The following ARHGAP15 variants were observed in gnomAD, a reference collection of about 807,000 sequenced individuals.
ARHGAP15 encodes the protein Rho GTPase activating protein 15.
Under a neutral mutation model 63.7 loss-of-function variants are expected in ARHGAP15, and 51 were observed. That is an observed-to-expected ratio of 0.80 (90% CI 0.64 to 1.01). The LOEUF is 1.01. Among genes scored for constraint, ARHGAP15 ranks in the 50% least tolerant of loss-of-function variants. The pLI is 0.00. For missense variants in ARHGAP15, 560 were observed against 564.6 expected (o/e 0.99, Z 0.08); for synonymous variants, 191 against 193.8 (o/e 0.99, Z 0.12).
intron 2 of ARHGAP15, among the ~76,000 whole-genome samples, chr2:143,199,359 T>C (rs558782950): frequency 6.6e-5 from 10 of 152,274 alleles, no homozygotes; most frequent in East Asian, 1.9e-4. Context: ...TTCTCACTTA[T>C]GTAACAGTTA....
At chr2:143,641,884 T>A (rs1048153120) in intron 12 of ARHGAP15, among the ~76,000 whole-genome samples, 4 of 152,104 alleles carry the variant, frequency 2.6e-5, no homozygotes, top group African/African-American at 7.2e-5. Flanking sequence ...TTCAGAGATA[T>A]GCACCAGGAT....
intron 13 of ARHGAP15, among the ~76,000 whole-genome samples, chr2:143,728,344 A>T (rs1002224686): frequency 2.6e-5 from 4 of 152,062 alleles, no homozygotes; most frequent in African/African-American, 7.2e-5. Flanking sequence ...TTTTTAACTT[A>T]ATGACCTTTT....
intron 8 of ARHGAP15, among the ~76,000 whole-genome samples, chr2:143,452,806 C>T (rs1277186032): frequency 2.0e-5 from 3 of 151,784 alleles, no homozygotes; most frequent in Non-Finnish European, 4.4e-5. Context: ...ATCATTTCTA[C>T]CTATAATTTA....
At chr2:143,242,104 C>A (rs1693884341) in intron 5 of ARHGAP15, among the ~76,000 whole-genome samples, 1 of 152,202 alleles carries the variant, frequency 6.6e-6, no homozygotes, top group Non-Finnish European at 1.5e-5. Context: ...TTCAGTCGGA[C>A]CTGCCTCAGC....
intron 8 of ARHGAP15, among the ~76,000 whole-genome samples, chr2:143,464,761 T>A (rs1012190036): frequency 6.6e-6 from 1 of 152,150 alleles, no homozygotes; most frequent in Non-Finnish European, 1.5e-5. Flanking sequence ...CCTCATAATT[T>A]TTTTGTTCTA....
intron 2 of ARHGAP15, among the ~76,000 whole-genome samples, chr2:143,182,034 C>T (rs149601365): frequency 3.2e-4 from 48 of 151,714 alleles, no homozygotes; most frequent in Admixed American, 7.9e-4. Context: ...CCCTGCCTCC[C>T]GGGTTCAAGT....
intron 11 of ARHGAP15, among the ~76,000 whole-genome samples, chr2:143,595,991 T>C (rs990570324): frequency 2.6e-5 from 4 of 152,220 alleles, no homozygotes; most frequent in African/African-American, 7.2e-5. Flanking sequence ...ATTTTTACAG[T>C]GAAGGTACCA....
At chr2:143,153,299 AC>A (rs1445640897) in intron 1 of ARHGAP15, among the ~76,000 whole-genome samples, 1 of 151,948 alleles carries the variant, frequency 6.6e-6, no homozygotes. Context: ...TGGGAAATCA[AC>A]CCTTGAAGGC....
chr2:143,260,865 A>G (rs1318982551), intron 6 of ARHGAP15, among the ~76,000 whole-genome samples: 1 of 152,108 alleles, frequency 6.6e-6, no homozygotes, highest in Non-Finnish European at 1.5e-5. Context: ...TCTGTTCTCC[A>G]TTCTACTCAC....
At chr2:143,458,894 T>C (rs1450742565) in intron 8 of ARHGAP15, among the ~76,000 whole-genome samples, 1 of 152,202 alleles carries the variant, frequency 6.6e-6, no homozygotes, top group Non-Finnish European at 1.5e-5. Flanking sequence ...GTCATAATGC[T>C]TAGGGTCACC....
chr2:143,658,061 T>G (rs1681549347), intron 12 of ARHGAP15, among the ~76,000 whole-genome samples: 1 of 152,222 alleles, frequency 6.6e-6, no homozygotes, highest in Admixed American at 6.5e-5. Flanking sequence ...GAAATTGTAA[T>G]TCCCAGAATT....
At chr2:143,735,463 G>A (rs940044287) in intron 13 of ARHGAP15, among the ~76,000 whole-genome samples, 3 of 152,144 alleles carry the variant, frequency 2.0e-5, no homozygotes, top group African/African-American at 7.2e-5. Context: ...CTTTCTCCCT[G>A]GTAGCAAGAT....
At chr2:143,562,432 CTTA>C (rs1172872465) in intron 11 of ARHGAP15, among the ~76,000 whole-genome samples, 2 of 152,194 alleles carry the variant, frequency 1.3e-5, no homozygotes, top group African/African-American at 2.4e-5. Context: ...ATATTGCCCT[CTTA>C]TTATTTTTAA....
intron 12 of ARHGAP15, among the ~76,000 whole-genome samples, chr2:143,694,916 T>C (rs1227554772): frequency 6.6e-6 from 1 of 151,312 alleles, no homozygotes; most frequent in African/African-American, 2.4e-5. Flanking sequence ...AATTGTGATA[T>C]AGATCCTAGT....
At chr2:143,341,733 A>G (rs1376656274) in intron 6 of ARHGAP15, among the ~76,000 whole-genome samples, 2 of 152,076 alleles carry the variant, frequency 1.3e-5, no homozygotes, top group African/African-American at 2.4e-5. Context: ...ATGATTTCCA[A>G]CCAAAGACAT....
intron 6 of ARHGAP15, among the ~76,000 whole-genome samples, chr2:143,354,828 A>G (rs1685739181): frequency 6.6e-6 from 1 of 152,178 alleles, no homozygotes; most frequent in East Asian, 1.9e-4. Flanking sequence ...TATTAATGTC[A>G]CATGTTATTG....
At chr2:143,322,228 T>C (rs974819539) in intron 6 of ARHGAP15, among the ~76,000 whole-genome samples, 1 of 152,214 alleles carries the variant, frequency 6.6e-6, no homozygotes, top group Non-Finnish European at 1.5e-5. Context: ...AGCAGTTTGT[T>C]TCTGTCAGGC....
chr2:143,351,077 A>T (rs1048176953), intron 6 of ARHGAP15: 1 of 152,146 alleles, frequency 6.6e-6, no homozygotes, highest in African/African-American at 2.4e-5. Context: ...GACAATAGAC[A>T]TGCTGTAGCT....
At chr2:143,343,922 C>T (rs1431044345) in intron 6 of ARHGAP15, 1 of 152,074 alleles carries the variant, frequency 6.6e-6, no homozygotes, top group Non-Finnish European at 1.5e-5. Flanking sequence ...TTGACTTTTG[C>T]TGTCTGCCAA....
Sources: allele counts gnomAD v4.1 joint callset (sites outside exome capture counted in the v4.1 genomes callset), GRCh38; gene constraint gnomAD v4.1.1; transcripts MANE v1.5; gene names NCBI Gene and HGNC (gene_info 2026-07-23, HGNC 2026-07-21).